Variants in GRIK1 observed in about 807,000 individuals in gnomAD.
GRIK1 encodes glutamate receptor ionotropic, kainate 1.
Under a neutral mutation model 105.7 loss-of-function variants are expected in GRIK1, and 69 were observed. The ratio of observed to expected loss-of-function variants is 0.65; its 90% CI spans 0.54 to 0.80. GRIK1 has a LOEUF of 0.80. GRIK1 is among the 30% of genes least tolerant of loss of function. The pLI, the probability that GRIK1 is intolerant of heterozygous loss-of-function variation, is 0.00. For missense variants in GRIK1, 1,109 were observed against 1,167.3 expected (o/e 0.95, Z 0.73); for synonymous variants, 438 against 431.3 (o/e 1.02, Z -0.19).
chr21:29,620,755 A>G (rs1226382959), intron 7 of GRIK1, among the ~76,000 whole-genome samples: 1 of 145,964 alleles, frequency 6.9e-6, no homozygotes, highest in Non-Finnish European at 1.5e-5. Context: ...TAAGTTACAT[A>G]AATGGTATGA....
At chr21:29,583,864 G>A (rs1454911346) in intron 12 of GRIK1, among the ~76,000 whole-genome samples, 1 of 152,148 alleles carries the variant, frequency 6.6e-6, no homozygotes, top group African/African-American at 2.4e-5. Flanking sequence ...CTTAAAGATA[G>A]CCAGTGTGAC....
At chr21:29,808,901 C>T (rs1272844274) in intron 1 of GRIK1, among the ~76,000 whole-genome samples, 2 of 152,144 alleles carry the variant, frequency 1.3e-5, no homozygotes, top group Non-Finnish European at 2.9e-5. Flanking sequence ...TTTCCAGGCT[C>T]AAGGAGGCTG....
At chr21:29,600,982 G>A (rs752515547) in intron 7 of GRIK1, among the ~76,000 whole-genome samples, 21 of 152,300 alleles carry the variant, frequency 1.4e-4, no homozygotes, top group African/African-American at 3.6e-4. Context: ...TTGACTTTAC[G>A]TTGGAGGTTG....
chr21:29,774,109 G>A (rs2065881869), intron 1 of GRIK1, among the ~76,000 whole-genome samples: 1 of 151,914 alleles, frequency 6.6e-6, no homozygotes, highest in South Asian at 2.1e-4. Flanking sequence ...CTTCCCTACT[G>A]TACCCTTCAA....
At chr21:29,622,598 C>T (rs111868447) in intron 7 of GRIK1, among the ~76,000 whole-genome samples, 73 of 152,274 alleles carry the variant, frequency 4.8e-4, no homozygotes, top group Admixed American at 1.0e-3. Flanking sequence ...GACCAATAGC[C>T]AATGAATGAG....
intron 1 of GRIK1, among the ~76,000 whole-genome samples, chr21:29,849,945 T>TA (rs1461397620): frequency 3.3e-5 from 5 of 152,150 alleles, no homozygotes; most frequent in Non-Finnish European, 7.4e-5. Context: ...TGGCCCCTGT[T>TA]ACTGGAGATA....
chr21:29,634,902 G>C (rs1299242724), intron 7 of GRIK1, among the ~76,000 whole-genome samples: 1 of 152,158 alleles, frequency 6.6e-6, no homozygotes, highest in Non-Finnish European at 1.5e-5. Flanking sequence ...CTATGAGCAA[G>C]TTTGTGTTCG....
rs376778152 is a variant in GRIK1, at chr21:29,560,364, T to TCTTC, written c.2356+1256_2356+1259dup. Among the ~76,000 whole-genome samples the TCTTC allele has an allele frequency of 8.2e-3, 296 of 35,896 alleles. 29 individuals carry two copies. Among genetic ancestry groups the TCTTC allele is most frequent in the African/African-American group, 0.018 (146 of 7,976 alleles). The allele number at this position is 35,896 out of a possible 152,430, so 23.5% of individuals were successfully genotyped here. A position where few individuals can be genotyped will look rare whatever the true frequency, so the allele number is the denominator to read the frequency against. On this transcript the variant is annotated intron_variant, in intron 15 of 17. Coordinates refer to ENST00000327783, the MANE Select transcript of GRIK1 (RefSeq NM_001330994.2). Reference sequence around the variant, plus strand: ...CTTTCTTTCTTTCTTTCTTTTTCTTTCTTCCTTCCTTCCTTCCTTCCTTCC... The same window carrying TCTTC: ...CTTTCTTTCTTTCTTTCTTTTTCTTTCTTCCTTCCTTCCTTCCTTCCTTCCTTCC...
chr21:29,725,220 C>T (rs75668352), intron 1 of GRIK1, among the ~76,000 whole-genome samples: 1,543 of 152,198 alleles, frequency 0.01, 26 homozygotes, highest in African/African-American at 0.036. Flanking sequence ...ATATAAATGC[C>T]GTGAGAAATG....
chr21:29,688,209 C>T (rs2063520416), intron 3 of GRIK1, among the ~76,000 whole-genome samples: 1 of 152,166 alleles, frequency 6.6e-6, no homozygotes, highest in African/African-American at 2.4e-5. Flanking sequence ...AATATATACC[C>T]ACTCACTTAG....
intron 1 of GRIK1, among the ~76,000 whole-genome samples, chr21:29,767,447 C>T (rs769156448): frequency 3.3e-5 from 5 of 151,452 alleles, no homozygotes; most frequent in African/African-American, 7.3e-5. Flanking sequence ...TAAGAGAATA[C>T]AACCTGTCTG....
In GRIK1 at chr21:29,629,575, C is replaced by A. The variant is rs112871023; in HGVS notation, c.1098+13251G>T. On this transcript the variant is annotated intron_variant, in intron 7 of 17. Coordinates refer to ENST00000327783, the MANE Select transcript of GRIK1 (RefSeq NM_001330994.2). ...GCGGATCTCAGCTCACTGCAAACTC[C>A]GCCTCCCAGGTTCAAGCGATTCTCC... is the stretch of plus-strand genomic sequence containing the variant. Among the ~76,000 whole-genome samples, 794 of 151,680 alleles carry A rather than the reference C, an allele frequency of 5.2e-3. 12 individuals are homozygous for A. The highest frequency in any genetic ancestry group is 0.017 in the African/African-American group (694 of 41,324).
intron 5 of GRIK1, among the ~76,000 whole-genome samples, chr21:29,654,393 C>G (rs1395102268): frequency 6.6e-6 from 1 of 152,100 alleles, no homozygotes; most frequent in Non-Finnish European, 1.5e-5. Context: ...ACAGGTAACC[C>G]CTGGCTAACC....
chr21:29,705,295 TAGAG>T (rs1438016451), intron 1 of GRIK1, among the ~76,000 whole-genome samples: 3 of 152,202 alleles, frequency 2.0e-5, no homozygotes, highest in Non-Finnish European at 4.4e-5. Context: ...ATCTTATACA[TAGAG>T]AGTTTAGTGG....
chr21:29,757,012 A>G (rs9305402), intron 1 of GRIK1, among the ~76,000 whole-genome samples: 24,749 of 151,904 alleles, frequency 0.16, 3,048 homozygotes, highest in African/African-American at 0.35. Flanking sequence ...AGCTACTTGG[A>G]AGGCTGAGGC....
intron 6 of GRIK1, among the ~76,000 whole-genome samples, chr21:29,644,467 T>G (rs1001998415): frequency 1.3e-5 from 2 of 152,202 alleles, no homozygotes; most frequent in African/African-American, 4.8e-5. Context: ...TTGTGAGAAC[T>G]GTAGAATTGC....
chr21:29,829,896 A>G (rs936894824), intron 1 of GRIK1, among the ~76,000 whole-genome samples: 14 of 152,146 alleles, frequency 9.2e-5, no homozygotes, highest in African/African-American at 3.1e-4. Flanking sequence ...TAGGATAATC[A>G]CACTAGTAAT....
chr21:29,838,199 G>A (rs574546319), intron 1 of GRIK1, among the ~76,000 whole-genome samples: 25 of 152,084 alleles, frequency 1.6e-4, no homozygotes, highest in Non-Finnish European at 3.4e-4. Context: ...ATTCAGTAGC[G>A]AATATAGTAT....
intron 14 of GRIK1, among the ~76,000 whole-genome samples, chr21:29,571,089 T>C (rs113657213): frequency 0.082 from 12,464 of 152,154 alleles, 1,039 homozygotes; most frequent in African/African-American, 0.22. Context: ...CAGTGGCTCA[T>C]GCCAGTAATA....
Sources: gnomAD v4.1 joint callset for allele counts (sites outside exome capture counted in the v4.1 genomes callset) on GRCh38, gnomAD v4.1.1 for gene constraint, MANE v1.5 for transcripts, NCBI Gene and HGNC (gene_info 2026-07-23, HGNC 2026-07-21) for gene names.